Variants in TMPRSS15 observed in about 807,000 individuals in gnomAD.
The protein encoded by TMPRSS15 is transmembrane serine protease 15, also known as enteropeptidase.
Under a neutral mutation model 125.3 loss-of-function variants are expected in TMPRSS15, and 128 were observed. The observed-to-expected ratio is 1.02, with a 90% CI of 0.89 to 1.18. The LOEUF is 1.18. Among genes scored for constraint, TMPRSS15 ranks in the 50% most tolerant of loss-of-function variants. TMPRSS15 has a pLI of 0.00. For synonymous variants in TMPRSS15, 446 were observed against 423.2 expected (o/e 1.05, Z -0.66); for missense variants, 1,283 against 1,212.7 (o/e 1.06, Z -0.86).
chr21:18,345,317 C>T (rs2824753), intron 10 of TMPRSS15, among the ~76,000 whole-genome samples: 20,116 of 152,032 alleles, frequency 0.13, 1,811 homozygotes, highest in East Asian at 0.37. Context: ...TATATGACTG[C>T]ATGGAGAAGA....
At chr21:18,408,657 T>C (rs1046421350), upstream of TMPRSS15, among the ~76,000 whole-genome samples, 6 of 152,132 alleles carry the variant, frequency 3.9e-5, 1 homozygote, top group Admixed American at 2.6e-4. Flanking sequence ...TTTAGGTTTT[T>C]AAAGGGGTGG....
chr21:18,349,469 A>G (rs540720473), intron 10 of TMPRSS15, among the ~76,000 whole-genome samples: 39 of 152,326 alleles, frequency 2.6e-4, no homozygotes, highest in Middle Eastern at 3.4e-3. Flanking sequence ...TGTTTCATTT[A>G]GTCTTTTCTG....
chr21:18,376,617 G>A (rs1165004189), intron 5 of TMPRSS15, among the ~76,000 whole-genome samples: 1 of 152,142 alleles, frequency 6.6e-6, no homozygotes, highest in African/African-American at 2.4e-5. Flanking sequence ...TGTTTTCTGC[G>A]GCTATTGCTG....
chr21:18,413,562 G>A lies in TMPRSS15; in HGVS notation c.11-15233C>T, dbSNP rs1247771309. Among the ~76,000 whole-genome samples the A allele has an allele frequency of 2.7e-4, 40 of 147,906 alleles. 1 individual carries two copies. Among genetic ancestry groups the A allele is most frequent in the Non-Finnish European group, 3.3e-4 (22 of 67,166 alleles). On this transcript the variant is annotated intron_variant, in intron 1 of 7. Transcript: ENST00000422787. ...CTCCCGAGTAGCTGGGATTACAGGC[G>A]CCCGCCACCACACCTGGCTAACTTT...
chr21:18,270,498 C>T (rs73320107), intron 24 of TMPRSS15, among the ~76,000 whole-genome samples: 7,392 of 152,124 alleles, frequency 0.049, 585 homozygotes, highest in African/African-American at 0.17. Context: ...GCTGTAAGTG[C>T]CACAAAGGAC....
At chr21:18,453,846 C>A (rs1978387358) in intron 1 of TMPRSS15, among the ~76,000 whole-genome samples, 1 of 152,104 alleles carries the variant, frequency 6.6e-6, no homozygotes, top group Non-Finnish European at 1.5e-5. Context: ...CCATTTGAGA[C>A]AACATGGATT....
At chr21:18,397,994 A>T in intron 2 of TMPRSS15, 48 bp from the exon 3 acceptor site, 5 of 1,344,376 alleles carry the variant, frequency 3.7e-6, no homozygotes, top group South Asian at 1.3e-5. Flanking sequence ...TTAGGATTTT[A>T]ACTTTTGTTG....
chr21:18,459,832 A>G (rs1352809035), intron 1 of TMPRSS15, among the ~76,000 whole-genome samples: 1 of 152,132 alleles, frequency 6.6e-6, no homozygotes, highest in Non-Finnish European at 1.5e-5. Context: ...ACATCTCTCC[A>G]TTTATTTTGA....
chr21:18,365,643 T>TTTCCTCCC lies in TMPRSS15; in HGVS notation c.665-403_665-396dup, dbSNP rs754263280. Among the ~76,000 whole-genome samples the TTTCCTCCC allele has an allele frequency of 2.4e-3, 63 of 26,788 alleles. 3 individuals carry two copies. Among genetic ancestry groups the TTTCCTCCC allele is most frequent in the Non-Finnish European group, 3.7e-3 (43 of 11,640 alleles). The allele number at this position is 26,788 out of a possible 152,430, so 17.6% of individuals were successfully genotyped here. ...CTCTTTCTTTCTCTTTCTCTCTCTT[T>TTTCCTCCC]TTCCTCCCTTCCTTCCTTCCTTCCT... On this transcript the variant is annotated intron_variant, in intron 6 of 24. Transcript: ENST00000284885.
intron 8 of TMPRSS15, among the ~76,000 whole-genome samples, chr21:18,354,313 C>T (rs542861117): frequency 2.6e-5 from 4 of 151,874 alleles, no homozygotes; most frequent in Non-Finnish European, 5.9e-5. Flanking sequence ...GCTCTTTACG[C>T]TTGTAACTAT....
Position 18,403,167 on chromosome 21 carries a change from A to G in TMPRSS15, c.145+311T>C, listed in dbSNP as rs17002629. 8.6e-3 allele frequency among the ~76,000 whole-genome samples: 1,308 copies of G among 152,324 alleles called. 55 individuals carry two copies. Among genetic ancestry groups the G allele is most frequent in the Admixed American group, 0.066 (1,009 of 15,296 alleles). Reference sequence around the variant, plus strand: ...CAGGGGCCATGAAATCTACTTGATTATATGTTGAAACCAAGATACTTATTT... The same window carrying G: ...CAGGGGCCATGAAATCTACTTGATTGTATGTTGAAACCAAGATACTTATTT... On this transcript the variant is annotated intron_variant, in intron 1 of 24. Coordinates refer to ENST00000284885, the MANE Select transcript of TMPRSS15 (RefSeq NM_002772.3).
chr21:18,443,175 G>T (rs1280658165), intron 1 of TMPRSS15, among the ~76,000 whole-genome samples: 1 of 152,074 alleles, frequency 6.6e-6, no homozygotes, highest in Admixed American at 6.6e-5. Flanking sequence ...GCTACGAAAA[G>T]AAAAAATAAA....
chr21:18,395,415 A>C (rs1004132951), intron 3 of TMPRSS15, among the ~76,000 whole-genome samples: 2 of 152,176 alleles, frequency 1.3e-5, no homozygotes, highest in African/African-American at 4.8e-5. Context: ...TGATAATCTA[A>C]AACTTCACAA....
At chr21:18,305,337 C>T (rs1440340646) in intron 18 of TMPRSS15, among the ~76,000 whole-genome samples, 27 of 151,694 alleles carry the variant, frequency 1.8e-4, no homozygotes, top group East Asian at 3.9e-4. Flanking sequence ...TACAGGCGCC[C>T]GCCACCGCGC....
At chr21:18,282,699 C>T (rs958156845) in intron 21 of TMPRSS15, among the ~76,000 whole-genome samples, 1 of 152,144 alleles carries the variant, frequency 6.6e-6, no homozygotes, top group African/African-American at 2.4e-5. Flanking sequence ...AGTGCAATAC[C>T]GAGAACTTTT....
At chr21:18,395,805 C>CA (rs780560367) in intron 3 of TMPRSS15, among the ~76,000 whole-genome samples, 3 of 151,752 alleles carry the variant, frequency 2.0e-5, no homozygotes, top group Admixed American at 6.6e-5. Context: ...CACAAAAGCA[C>CA]AAAAAATATG....
intron 22 of TMPRSS15, 54 bp downstream of exon 22, chr21:18,280,986 G>T: frequency 6.4e-7 from 1 of 1,555,532 alleles, no homozygotes; most frequent in Non-Finnish European, 8.8e-7. Flanking sequence ...TTGAAATCTA[G>T]TTTTGAATTA....
intron 8 of TMPRSS15, among the ~76,000 whole-genome samples, chr21:18,359,224 T>C (rs1314567763): frequency 1.3e-5 from 2 of 152,018 alleles, no homozygotes; most frequent in Non-Finnish European, 2.9e-5. Context: ...GCCCCGTCCA[T>C]GTGTAACGAT....
chr21:18,433,836 G>C (rs904534199), intron 1 of TMPRSS15, among the ~76,000 whole-genome samples: 1 of 151,988 alleles, frequency 6.6e-6, no homozygotes, highest in East Asian at 1.9e-4. Flanking sequence ...GAGTTTTGCA[G>C]ATAAACTGTA....
Sources: gnomAD v4.1 joint callset for allele counts (sites outside exome capture counted in the v4.1 genomes callset) on GRCh38, gnomAD v4.1.1 for gene constraint, MANE v1.5 for transcripts, NCBI Gene and HGNC (gene_info 2026-07-23, HGNC 2026-07-21) for gene names.